FRMPD3: variants seen among roughly 807,000 people sequenced by gnomAD.
The protein encoded by FRMPD3 is FERM and PDZ domain-containing protein 3.
In FRMPD3, 42 loss-of-function variants were observed where a neutral mutation model predicts 97.9. That is an observed-to-expected ratio of 0.43 (90% CI 0.34 to 0.55). FRMPD3 has a LOEUF of 0.55. FRMPD3 is among the 20% of genes least tolerant of loss of function. FRMPD3 has a pLI of 0.03. For missense variants in FRMPD3, 1,303 were observed against 1,457.7 expected (o/e 0.89, Z 1.73); for synonymous variants, 577 against 581.1 (o/e 0.99, Z 0.10).
At chrX:107,491,735 A>G (rs988405169) in intron 1 of FRMPD3, among the ~76,000 whole-genome samples, 16 of 111,637 alleles carry the variant, frequency 1.4e-4, no homozygotes, top group Non-Finnish European at 3.0e-4. Context: ...AAGAACTGAC[A>G]ACCCAGACCC....
intron 13 of FRMPD3, among the ~76,000 whole-genome samples, chrX:107,581,844 T>A (rs1320789659): frequency 8.9e-6 from 1 of 112,442 alleles, no homozygotes; most frequent in Admixed American, 9.4e-5. Flanking sequence ...TTCATTCCTC[T>A]TTATTGATGA....
In FRMPD3 at chrX:107,597,670, C is replaced by T. The variant is rs1312218144; in HGVS notation, c.1791C>T (p.Tyr597=). 1 of 1,210,610 alleles carries T rather than the reference C, an allele frequency of 8.3e-7. No individual in the cohort carries two copies. The change falls in exon 14 of 15, where the codon TAC becomes TAT. Residue 597 remains tyrosine (Y), a synonymous_variant. Coordinates refer to ENST00000683843, the MANE Select transcript of FRMPD3 (RefSeq NM_001388459.1). ...CTTGTGCCAGCAGGGCCCGGTCCTA[C>T]ACCTTGGACAATTCCCTTGGGGCTG... ...HEPCASRARS[Y]TLDNSLGAEA... is the part of the protein sequence containing the mutation.
intron 13 of FRMPD3, among the ~76,000 whole-genome samples, chrX:107,579,429 A>G (rs1196034333): frequency 8.9e-6 from 1 of 112,512 alleles, no homozygotes; most frequent in African/African-American, 3.2e-5. Flanking sequence ...TTATTCACTT[A>G]ACAAATCAAG....
chrX:107,593,574 A>G (rs1004086183), intron 13 of FRMPD3, among the ~76,000 whole-genome samples: 2 of 111,508 alleles, frequency 1.8e-5, no homozygotes, highest in African/African-American at 3.3e-5. Context: ...TTTTTGTGCA[A>G]TGTGAGAGAT....
intron 1 of FRMPD3, among the ~76,000 whole-genome samples, chrX:107,488,865 A>G (rs889834295): frequency 9.1e-5 from 10 of 110,451 alleles, no homozygotes; most frequent in African/African-American, 3.3e-4. Flanking sequence ...TTTAAGTTTT[A>G]GGGTACATGT....
At position 107,546,368 on chromosome X, in the gene FRMPD3, G is replaced by A. The variant is rs756278452; in HGVS notation, c.402+527G>A. 2.7e-5 allele frequency among the ~76,000 whole-genome samples: 3 copies of A among 112,090 alleles called. No homozygotes were observed. The East Asian group carries it at 8.4e-4, about 31-fold the overall frequency. Reference sequence around the variant, plus strand: ...CTGCTATGTTCTTAGCACCAGAGGGGAGGCAAAATAAATACCTGTTCCCTG... The same window carrying A: ...CTGCTATGTTCTTAGCACCAGAGGGAAGGCAAAATAAATACCTGTTCCCTG... On this transcript the variant is annotated intron_variant, in intron 5 of 14. Coordinates refer to ENST00000683843, the MANE Select transcript of FRMPD3 (RefSeq NM_001388459.1).
chrX:107,463,183 G>C (rs1931505817), intron 1 of FRMPD3, among the ~76,000 whole-genome samples: 1 of 112,247 alleles, frequency 8.9e-6, no homozygotes, highest in African/African-American at 3.2e-5. Flanking sequence ...TTTCCCATTT[G>C]GGTTTTATAA....
At chrX:107,522,346 C>T (rs769723739) in intron 1 of FRMPD3, 65 of 528,679 alleles carry the variant, frequency 1.2e-4, no homozygotes, top group South Asian at 9.7e-4. Flanking sequence ...CCCAACAACA[C>T]GGAGTGAACA....
intron 8 of FRMPD3, among the ~76,000 whole-genome samples, chrX:107,559,517 T>A (rs1158499797): frequency 8.9e-6 from 1 of 111,886 alleles, no homozygotes; most frequent in Non-Finnish European, 1.9e-5. Flanking sequence ...ATTGATGATG[T>A]ATTCCTTTTC....
chrX:107,588,378 C>T (rs1923756734), intron 13 of FRMPD3, among the ~76,000 whole-genome samples: 1 of 110,869 alleles, frequency 9.0e-6, no homozygotes, highest in South Asian at 3.9e-4. Context: ...CCTCAGCCTC[C>T]CGAGTAGCTG....
At chrX:107,508,572 C>T (rs1421784885) in intron 1 of FRMPD3, among the ~76,000 whole-genome samples, 3 of 111,473 alleles carry the variant, frequency 2.7e-5, no homozygotes, top group Admixed American at 9.5e-5. Flanking sequence ...TTTGGGATTC[C>T]AGCCCAGATC....
intron 13 of FRMPD3, among the ~76,000 whole-genome samples, chrX:107,588,079 C>T (rs1456126757): frequency 9.0e-6 from 1 of 111,285 alleles, no homozygotes; most frequent in African/African-American, 3.3e-5. Context: ...CCAGCCTGGC[C>T]CCCAGTCTCT....
intron 1 of FRMPD3, among the ~76,000 whole-genome samples, chrX:107,521,154 C>T (rs745893202): frequency 7.1e-5 from 8 of 112,143 alleles, no homozygotes; most frequent in Non-Finnish European, 1.5e-4. Flanking sequence ...CCTGTTCTCT[C>T]CTGGGGTAAA....
Position 107,526,575 on chromosome X carries a change from T to C in FRMPD3, c.-7-7T>C. The C allele has an allele frequency of 8.4e-7, 1 of 1,187,520 alleles. No homozygotes were observed. The highest frequency in any genetic ancestry group is 1.9e-5 in the South Asian group (1 of 54,036). On this transcript the variant is annotated splice_polypyrimidine_tract_variant and splice_region_variant and intron_variant, in intron 1 of 14. Transcript: ENST00000683843. ...CTTGTTTTGCTCCCACCTTCCCTTTTCCCCAGTCATGTGATGCAGGAAGAG... is the reference window on the plus strand; with the variant it reads ...CTTGTTTTGCTCCCACCTTCCCTTTCCCCCAGTCATGTGATGCAGGAAGAG...
chrX:107,597,676 G>A lies in FRMPD3; in HGVS notation c.1797G>A (p.Leu599=). The A allele has an allele frequency of 8.3e-7, 1 of 1,210,552 alleles. No individual in the cohort carries two copies. The change falls in exon 14 of 15, where the codon TTG becomes TTA. Residue 599 remains leucine, a synonymous_variant. Transcript: ENST00000683843. ...PCASRARSYT[L]DNSLGAEALN... The stretch of plus-strand genomic sequence containing the variant: ...CCAGCAGGGCCCGGTCCTACACCTT[G>A]GACAATTCCCTTGGGGCTGAAGCCC...
At chrX:107,540,024 G>T (rs1287354684) in intron 4 of FRMPD3, among the ~76,000 whole-genome samples, 3 of 112,163 alleles carry the variant, frequency 2.7e-5, no homozygotes, top group Non-Finnish European at 5.6e-5. Context: ...GTGGGTCCAG[G>T]AATGATAACA....
Position 107,550,132 on chromosome X carries a change from A to G in FRMPD3, c.486A>G (p.Thr162=). ...FLENGQIKSF[T]FDGRTTVKDV... ...AAAATGGGCAGATCAAGTCATTCAC[A>G]TTTGATGGTCGGACCACTGTTAAGG... Residue 162 remains threonine (T), a synonymous_variant, in exon 6 of 15, where the codon ACA becomes ACG. Coordinates refer to ENST00000683843, the MANE Select transcript of FRMPD3 (RefSeq NM_001388459.1). 8.3e-7 allele frequency: 1 copy of G among 1,199,150 alleles called. No individual in the cohort carries two copies. The highest frequency in any genetic ancestry group is 1.1e-6 in the Non-Finnish European group (1 of 885,832).
At chrX:107,484,751 C>T (rs1319567185) in intron 1 of FRMPD3, among the ~76,000 whole-genome samples, 1 of 112,240 alleles carries the variant, frequency 8.9e-6, no homozygotes, top group African/African-American at 3.2e-5. Context: ...AGTCCAGTAA[C>T]CTGGGGTCCT....
Position 107,600,932 on chromosome X carries a change from C to T in FRMPD3, c.2893C>T (p.His965Tyr), listed in dbSNP as rs1166143144. 8.3e-7 allele frequency: 1 copy of T among 1,207,748 alleles called. No homozygotes were observed. Among genetic ancestry groups the T allele is most frequent in the Non-Finnish European group, 1.1e-6 (1 of 894,435 alleles). Residue 965 changes from histidine to tyrosine, a missense_variant, in exon 15 of 15, where the codon CAC (histidine) becomes TAC (tyrosine). Coordinates refer to ENST00000683843, the MANE Select transcript of FRMPD3 (RefSeq NM_001388459.1). The stretch of plus-strand genomic sequence containing the variant: ...CTCGGCCGCCCTACAGCAAGTGGTT[C>T]ACAATAAGAGTCTAGTCACTGCTGG... The part of the protein sequence containing the change: ...IISAALQQVV[H>Y]NKSLVTAGGA...
Sources: allele counts gnomAD v4.1 joint callset (sites outside exome capture counted in the v4.1 genomes callset), GRCh38; gene constraint gnomAD v4.1.1; transcripts MANE v1.5; gene names NCBI Gene and HGNC (gene_info 2026-07-23, HGNC 2026-07-21).